PTPRT: variants seen among roughly 807,000 people sequenced by gnomAD.
The protein encoded by PTPRT is protein tyrosine phosphatase receptor type T.
PTPRT carries 56 observed loss-of-function variants against 176.8 expected under a neutral mutation model. The observed-to-expected ratio is 0.32, with a 90% CI of 0.26 to 0.40. PTPRT has a LOEUF of 0.40. Ranked by LOEUF, PTPRT falls within the 10% of genes least tolerant of loss-of-function variation. The pLI, the probability that PTPRT is intolerant of heterozygous loss-of-function variation, is 1.00. For missense variants in PTPRT, 1,540 were observed against 1,908.2 expected (o/e 0.81, Z 3.60); for synonymous variants, 783 against 739.0 (o/e 1.06, Z -0.96).
At chr20:42,393,755 C>T (rs1042009369) in intron 9 of PTPRT, among the ~76,000 whole-genome samples, 2 of 152,192 alleles carry the variant, frequency 1.3e-5, no homozygotes, top group Non-Finnish European at 2.9e-5. Flanking sequence ...AATATTGTAT[C>T]CTAACTTCAT....
intron 2 of PTPRT, among the ~76,000 whole-genome samples, chr20:42,807,250 T>C (rs2077624115): frequency 6.6e-6 from 1 of 152,174 alleles, no homozygotes; most frequent in Non-Finnish European, 1.5e-5. Flanking sequence ...ACGGCATAGG[T>C]GGCTGAGCTC....
chr20:43,127,224 C>T (rs557819865), intron 1 of PTPRT, among the ~76,000 whole-genome samples: 29 of 152,118 alleles, frequency 1.9e-4, no homozygotes, highest in African/African-American at 5.1e-4. Flanking sequence ...GAGATGGAGA[C>T]CATCCTGGCT....
intron 7 of PTPRT, among the ~76,000 whole-genome samples, chr20:42,613,677 CT>C (rs1455815102): frequency 6.6e-6 from 1 of 152,186 alleles, no homozygotes; most frequent in Non-Finnish European, 1.5e-5. Flanking sequence ...AGGGTTGAGA[CT>C]TCCCAAGAGA....
chr20:42,828,767 T>C (rs1251057643), intron 2 of PTPRT, among the ~76,000 whole-genome samples: 2 of 152,096 alleles, frequency 1.3e-5, no homozygotes, highest in Non-Finnish European at 2.9e-5. Context: ...AAGTTAAGAA[T>C]TGAGGCTTGG....
At chr20:42,897,282 A>C (rs755746982) in intron 1 of PTPRT, among the ~76,000 whole-genome samples, 13 of 152,246 alleles carry the variant, frequency 8.5e-5, no homozygotes, top group Non-Finnish European at 1.5e-4. Context: ...CCCAAGGACC[A>C]AGAAAACAGT....
intron 2 of PTPRT, among the ~76,000 whole-genome samples, chr20:42,827,947 G>A (rs2145680994): frequency 6.6e-6 from 1 of 152,334 alleles, no homozygotes. Context: ...CTTATCAGCA[G>A]TGTGAGAATG....
chr20:43,144,725 C>T lies in PTPRT; in HGVS notation c.88+44921G>A, dbSNP rs549353748. On this transcript the variant is annotated intron_variant, in intron 1 of 30. Coordinates refer to ENST00000373187, the MANE Select transcript of PTPRT (RefSeq NM_007050.6). ...TGGTTTCTTTTGGGGGTGGTGAAAA[C>T]GTTCTAAAATGGATTGTGATGATGA... is the stretch of plus-strand genomic sequence containing the variant. Among the ~76,000 whole-genome samples the T allele has an allele frequency of 6.3e-4, 96 of 151,768 alleles. 1 individual carries two copies. The highest frequency in any genetic ancestry group is 1.0e-3 in the Non-Finnish European group (71 of 67,972).
At chr20:42,797,598 A>C (rs2145573609) in intron 2 of PTPRT, among the ~76,000 whole-genome samples, 1 of 135,370 alleles carries the variant, frequency 7.4e-6, no homozygotes, top group Non-Finnish European at 1.6e-5. Context: ...AGGGCCTCCC[A>C]AAGATGTCCA....
chr20:42,154,551 G>A (rs1989268126), intron 17 of PTPRT, among the ~76,000 whole-genome samples: 1 of 152,214 alleles, frequency 6.6e-6, no homozygotes, highest in African/African-American at 2.4e-5. Context: ...GTTCCTTGTT[G>A]CTTTAAATAG....
intron 15 of PTPRT, among the ~76,000 whole-genome samples, chr20:42,232,606 A>T (rs995522945): frequency 3.3e-5 from 5 of 150,900 alleles, no homozygotes; most frequent in African/African-American, 1.2e-4. Flanking sequence ...TCTCAATCCT[A>T]TCATCTCCAA....
intron 26 of PTPRT, among the ~76,000 whole-genome samples, chr20:42,101,629 C>G (rs1985943330): frequency 6.6e-6 from 1 of 152,176 alleles, no homozygotes; most frequent in African/African-American, 2.4e-5. Context: ...CCACTACTTT[C>G]CCAATAACCA....
chr20:42,557,291 G>A (rs1003324543), intron 7 of PTPRT, among the ~76,000 whole-genome samples: 3 of 152,028 alleles, frequency 2.0e-5, no homozygotes, highest in Admixed American at 1.3e-4. Context: ...TCTGCTCCGT[G>A]AATACCTCCA....
At chr20:42,194,469 G>T (rs1330908848) in intron 16 of PTPRT, among the ~76,000 whole-genome samples, 1 of 152,198 alleles carries the variant, frequency 6.6e-6, no homozygotes, top group Non-Finnish European at 1.5e-5. Context: ...TATGGGAAGA[G>T]CAGACTACCA....
chr20:42,139,295 A>ATCAAGGTGGTATCG (rs1205311522), intron 18 of PTPRT, among the ~76,000 whole-genome samples: 2 of 152,192 alleles, frequency 1.3e-5, no homozygotes, highest in Non-Finnish European at 2.9e-5. Context: ...ATTTAAACCC[A>ATCAAGGTGGTATCG]TCAAGGTGGT....
rs2012009709 is a variant in PTPRT at position 43,094,132 on chromosome 20, A to G, written c.88+95514T>C. ...TTGACGGAGTCTTGCCCTGTCGCTA[A>G]GCAGGAGTGCAGTGGCGCGATCTAG... On this transcript the variant is annotated intron_variant, in intron 1 of 30. Transcript: ENST00000373187. Among the ~76,000 whole-genome samples the G allele has an allele frequency of 5.5e-5, 8 of 146,360 alleles. No individual in the cohort carries two copies. The South Asian group carries it at 1.7e-3, about 31-fold the overall frequency.
intron 11 of PTPRT, among the ~76,000 whole-genome samples, chr20:42,346,325 C>G (rs976866880): frequency 1.3e-5 from 2 of 152,148 alleles, no homozygotes; most frequent in African/African-American, 4.8e-5. Flanking sequence ...TAATTCATGG[C>G]TAAGTTACTT....
intron 19 of PTPRT, among the ~76,000 whole-genome samples, chr20:42,124,344 G>A (rs192125305): frequency 3.9e-5 from 6 of 152,324 alleles, no homozygotes; most frequent in South Asian, 2.1e-4. Flanking sequence ...CATCCAAAAC[G>A]CATTTATCTC....
chr20:42,252,978 C>T (rs1018464340), intron 13 of PTPRT, among the ~76,000 whole-genome samples: 26 of 152,200 alleles, frequency 1.7e-4, no homozygotes, highest in African/African-American at 5.8e-4. Flanking sequence ...TTGCCTTTGG[C>T]ACTCTTTAGG....
chr20:43,097,162 A>G (rs1377355444), intron 1 of PTPRT, among the ~76,000 whole-genome samples: 1 of 152,194 alleles, frequency 6.6e-6, no homozygotes, highest in Non-Finnish European at 1.5e-5. Flanking sequence ...ACAGTAAGGG[A>G]GCCAGGAAGT....
Sources: allele counts gnomAD v4.1 joint callset (sites outside exome capture counted in the v4.1 genomes callset), GRCh38; gene constraint gnomAD v4.1.1; transcripts MANE v1.5; gene names NCBI Gene and HGNC (gene_info 2026-07-23, HGNC 2026-07-21).